Variants in CNBD1 observed in about 807,000 individuals in gnomAD.
The protein encoded by CNBD1 is cyclic nucleotide binding domain containing 1, also known as cyclic nucleotide-binding domain-containing protein 1.
CNBD1 carries 71 observed loss-of-function variants against 54.4 expected under a neutral mutation model. The ratio of observed to expected loss-of-function variants is 1.30; its 90% CI spans 1.08 to 1.59. CNBD1 has a LOEUF of 1.59. Among genes scored for constraint, CNBD1 ranks in the 40% most tolerant of loss-of-function variants. The pLI is 0.00. For missense variants in CNBD1, 659 were observed against 518.0 expected (o/e 1.27, Z -2.64); for synonymous variants, 182 against 170.7 (o/e 1.07, Z -0.51).
intron 2 of CNBD1, among the ~76,000 whole-genome samples, chr8:87,425,188 T>G (rs1203124392): frequency 6.6e-6 from 1 of 152,202 alleles, no homozygotes; most frequent in African/African-American, 2.4e-5. Flanking sequence ...CTTTAAACAC[T>G]TCTCTGTATT....
intron 3 of CNBD1, among the ~76,000 whole-genome samples, chr8:86,930,127 A>T (rs1809431526): frequency 6.6e-6 from 1 of 152,150 alleles, no homozygotes; most frequent in Non-Finnish European, 1.5e-5. Context: ...ATCTCGCTGT[A>T]TCCAGGGATC....
chr8:87,363,057 T>C (rs775784248), intron 10 of CNBD1, among the ~76,000 whole-genome samples: 2 of 151,968 alleles, frequency 1.3e-5, no homozygotes, highest in Non-Finnish European at 2.9e-5. Context: ...CCTGTGTCCA[T>C]GTGTTCTCAT....
At chr8:87,393,953 A>G (rs74976822) in intron 2 of CNBD1, among the ~76,000 whole-genome samples, 2,867 of 151,980 alleles carry the variant, frequency 0.019, 92 homozygotes, top group African/African-American at 0.062. Flanking sequence ...CAGTATCCCA[A>G]GAGCACAATA....
At chr8:87,055,548 A>G (rs1206030019) in intron 4 of CNBD1, among the ~76,000 whole-genome samples, 4 of 152,092 alleles carry the variant, frequency 2.6e-5, no homozygotes, top group South Asian at 2.1e-4. Flanking sequence ...AAAGGCTTCT[A>G]TGCTGGACCT....
At chr8:86,924,730 A>G (rs1215175107) in intron 3 of CNBD1, among the ~76,000 whole-genome samples, 2 of 152,182 alleles carry the variant, frequency 1.3e-5, no homozygotes, top group Middle Eastern at 3.2e-3. Context: ...ATATATTGCT[A>G]TATATTAAAG....
chr8:86,877,529 G>A (rs573832233), intron 1 of CNBD1, among the ~76,000 whole-genome samples: 2 of 152,232 alleles, frequency 1.3e-5, no homozygotes, highest in South Asian at 4.1e-4. Context: ...CTGTGGAGAA[G>A]TCTGTGACCA....
At chr8:87,209,581 G>T (rs1429957215) in intron 5 of CNBD1, among the ~76,000 whole-genome samples, 1 of 152,016 alleles carries the variant, frequency 6.6e-6, no homozygotes, top group African/African-American at 2.4e-5. Context: ...AATTAATATT[G>T]TTAAAATGCT....
At position 87,095,039 on chromosome 8, in the gene CNBD1, C is replaced by CA. The variant is rs991865009; in HGVS notation, c.432-110946dup. Among the ~76,000 whole-genome samples the CA allele has an allele frequency of 2.7e-3, 412 of 152,014 alleles. 1 individual carries two copies. Among genetic ancestry groups the CA allele is most frequent in the African/African-American group, 9.4e-3 (389 of 41,492 alleles). The stretch of plus-strand genomic sequence containing the variant: ...GAGCAACAAGAGCGAAGCTCCTTCT[C>CA]AAAAAAAACAAAGTAATAATTTATG... On this transcript the variant is annotated intron_variant, in intron 4 of 10. Coordinates refer to ENST00000518476, the MANE Select transcript of CNBD1 (RefSeq NM_173538.3).
intron 6 of CNBD1, among the ~76,000 whole-genome samples, chr8:87,242,657 C>T (rs150900505): frequency 1.3e-5 from 2 of 152,130 alleles, no homozygotes; most frequent in African/African-American, 4.8e-5. Context: ...TTTATGCCTC[C>T]TTAAAATGTA....
intron 4 of CNBD1, among the ~76,000 whole-genome samples, chr8:87,158,452 T>G (rs1391887888): frequency 6.6e-6 from 1 of 152,200 alleles, no homozygotes; most frequent in African/African-American, 2.4e-5. Flanking sequence ...TAATGAAAAC[T>G]TGATTTCTAT....
intron 5 of CNBD1, among the ~76,000 whole-genome samples, chr8:87,232,015 A>G (rs1807450980): frequency 6.6e-6 from 1 of 152,136 alleles, no homozygotes; most frequent in South Asian, 2.1e-4. Context: ...AAACTTTGTA[A>G]TGAAGTCAGA....
At chr8:87,095,128 TA>T (rs1338823032) in intron 4 of CNBD1, among the ~76,000 whole-genome samples, 1 of 152,256 alleles carries the variant, frequency 6.6e-6, no homozygotes, top group Non-Finnish European at 1.5e-5. Flanking sequence ...CCTCTTCACC[TA>T]AAGTGTGAAA....
intron 4 of CNBD1, among the ~76,000 whole-genome samples, chr8:86,996,068 C>T (rs999651129): frequency 3.3e-5 from 5 of 152,122 alleles, no homozygotes; most frequent in Admixed American, 2.0e-4. Context: ...CTCCCTAAGA[C>T]TGATTTCCAC....
rs1298058950 is a variant in CNBD1, at chr8:87,375,075, A to T, written c.1304-7545A>T. On this transcript the variant is annotated intron_variant, in intron 10 of 10. Coordinates refer to ENST00000518476, the MANE Select transcript of CNBD1 (RefSeq NM_173538.3). ...ATAAATCTTCCACTCAAAAATAATTATACAGTACATTTAGAAATGAAAATA... is the reference window on the plus strand; with the variant it reads ...ATAAATCTTCCACTCAAAAATAATTTTACAGTACATTTAGAAATGAAAATA... 1.3e-4 allele frequency among the ~76,000 whole-genome samples: 20 copies of T among 151,936 alleles called. No individual in the cohort carries two copies. In the Admixed American group the frequency reaches 1.3e-3, roughly 10 times the overall value.
chr8:87,031,601 C>A (rs11786526), intron 4 of CNBD1, among the ~76,000 whole-genome samples: 27,532 of 152,064 alleles, frequency 0.18, 2,534 homozygotes, highest in East Asian at 0.19. Flanking sequence ...AAATCTGTTC[C>A]TTTTCTGGGG....
intron 10 of CNBD1, among the ~76,000 whole-genome samples, chr8:87,381,719 T>C (rs1004045099): frequency 2.0e-4 from 31 of 151,954 alleles, no homozygotes; most frequent in Admixed American, 5.9e-4. Flanking sequence ...AGATGAGCCT[T>C]GAGGACATTA....
At chr8:87,334,202 G>T (rs746615311) in intron 8 of CNBD1, among the ~76,000 whole-genome samples, 12 of 152,182 alleles carry the variant, frequency 7.9e-5, no homozygotes, top group African/African-American at 2.6e-4. Context: ...ATGGTAGCTT[G>T]TATTTCTTTG....
At chr8:87,337,694 C>T (rs1013281945) in intron 8 of CNBD1, among the ~76,000 whole-genome samples, 9 of 152,212 alleles carry the variant, frequency 5.9e-5, no homozygotes, top group Non-Finnish European at 8.8e-5. Flanking sequence ...CACTCATTGC[C>T]TCCCTTGGCT....
chr8:87,221,067 G>A (rs1374822970), intron 5 of CNBD1, among the ~76,000 whole-genome samples: 1 of 151,966 alleles, frequency 6.6e-6, no homozygotes, highest in African/African-American at 2.4e-5. Flanking sequence ...TATTTTTGGT[G>A]TTTCTTGTCA....
Sources: allele counts gnomAD v4.1 joint callset (sites outside exome capture counted in the v4.1 genomes callset), GRCh38; gene constraint gnomAD v4.1.1; transcripts MANE v1.5; gene names NCBI Gene and HGNC (gene_info 2026-07-23, HGNC 2026-07-21).